Variants in TWSG1 observed in about 807,000 individuals in gnomAD.
TWSG1 encodes the protein twisted gastrulation protein homolog 1.
In TWSG1, 15 loss-of-function variants were observed where a neutral mutation model predicts 23.0. The ratio of observed to expected loss-of-function variants is 0.65; its 90% CI spans 0.44 to 1.00. The LOEUF is 1.00. TWSG1 is among the 50% of genes least tolerant of loss of function. TWSG1 has a pLI of 0.00. For synonymous variants in TWSG1, 86 were observed against 92.8 expected (o/e 0.93, Z 0.42); for missense variants, 242 against 278.7 (o/e 0.87, Z 0.94).
chr18:9,394,750 A>G (rs1302837289), intron 3 of TWSG1, among the ~76,000 whole-genome samples: 2 of 152,142 alleles, frequency 1.3e-5, no homozygotes, highest in African/African-American at 2.4e-5. Context: ...TCCTCTCCCT[A>G]CAGACACACA....
chr18:9,355,841 C>T (rs1391684259), intron 2 of TWSG1, among the ~76,000 whole-genome samples: 1 of 152,140 alleles, frequency 6.6e-6, no homozygotes, highest in Non-Finnish European at 1.5e-5. Flanking sequence ...CTTATTTGCC[C>T]ATCTCCTAAA....
intron 2 of TWSG1, among the ~76,000 whole-genome samples, chr18:9,356,715 A>G (rs1002508318): frequency 6.6e-6 from 1 of 152,182 alleles, no homozygotes; most frequent in Admixed American, 6.5e-5. Flanking sequence ...GAGCATTGAC[A>G]TGACATCAAA....
At chr18:9,366,561 G>C (rs919744176) in intron 3 of TWSG1, among the ~76,000 whole-genome samples, 1 of 152,166 alleles carries the variant, frequency 6.6e-6, no homozygotes, top group Non-Finnish European at 1.5e-5. Flanking sequence ...ACGGGTCTTG[G>C]CATCTTCCTT....
intron 3 of TWSG1, among the ~76,000 whole-genome samples, chr18:9,369,418 G>A (rs1284876176): frequency 4.6e-5 from 7 of 151,836 alleles, no homozygotes; most frequent in South Asian, 2.1e-4. Flanking sequence ...ACAGGTGCCC[G>A]CCACCACGCC....
rs143628756 is a variant in TWSG1 at position 9,336,885 on chromosome 18, C to T, written c.-37-308C>T. 1.2e-3 allele frequency among the ~76,000 whole-genome samples: 184 copies of T among 152,208 alleles called. 1 individual carries two copies. Among genetic ancestry groups the T allele is most frequent in the African/African-American group, 4.3e-3 (177 of 41,524 alleles). On this transcript the variant is annotated intron_variant, in intron 1 of 4. Coordinates refer to ENST00000262120, the MANE Select transcript of TWSG1 (RefSeq NM_020648.6). ...ATTTTTGAATGTTTATATAATCTTTCATTGAGAATGATCTTTAAATGATCA... is the reference window on the plus strand; with the variant it reads ...ATTTTTGAATGTTTATATAATCTTTTATTGAGAATGATCTTTAAATGATCA...
In TWSG1 at chr18:9,372,195, G is replaced by GC. The variant is rs1317204383; in HGVS notation, c.223+12124_223+12125insC. Among the ~76,000 whole-genome samples, 3 of 151,394 alleles carry GC rather than the reference G, an allele frequency of 2.0e-5. No homozygotes were observed. The East Asian group carries it at 5.8e-4, about 29-fold the overall frequency. ...TATATACAGTAGTTCCCCCTTATCG[G>GC]TGGGAGATACATTCCAGGGCCCACA... On this transcript the variant is annotated intron_variant, in intron 3 of 4. Coordinates refer to ENST00000262120, the MANE Select transcript of TWSG1 (RefSeq NM_020648.6).
Position 9,401,983 on chromosome 18 carries a change from T to G in TWSG1, c.*2456T>G, listed in dbSNP as rs1276089384. 4.6e-5 allele frequency: 7 copies of G among 152,186 alleles called. No homozygotes were observed. The highest frequency in any genetic ancestry group is 8.8e-5 in the Non-Finnish European group (6 of 68,022). 9.4% of individuals were successfully genotyped at this position (152,186 alleles called of 1,614,324 possible). ...ACTTGTGCTTGTTAGCAGGTTTTTC[T>G]GTTAGTTTTTCCCCCATAACATTTA... On this transcript the variant is annotated 3_prime_UTR_variant, in exon 5 of 5. Coordinates refer to ENST00000262120, the MANE Select transcript of TWSG1 (RefSeq NM_020648.6).
At chr18:9,392,485 A>C (rs1157231557) in intron 3 of TWSG1, among the ~76,000 whole-genome samples, 4 of 152,204 alleles carry the variant, frequency 2.6e-5, no homozygotes, top group Non-Finnish European at 4.4e-5. Flanking sequence ...CTTTAAGGGA[A>C]TATTTTGGCT....
intron 3 of TWSG1, among the ~76,000 whole-genome samples, chr18:9,394,633 C>A (rs1394955357): frequency 6.6e-6 from 1 of 152,136 alleles, no homozygotes; most frequent in Non-Finnish European, 1.5e-5. Flanking sequence ...CAGATCTGAT[C>A]ATTATTCATG....
chr18:9,371,505 C>T (rs569176921), intron 3 of TWSG1, among the ~76,000 whole-genome samples: 6 of 152,148 alleles, frequency 3.9e-5, no homozygotes, highest in African/African-American at 1.2e-4. Flanking sequence ...CCATGTTGGC[C>T]AAGCTGGTCT....
At chr18:9,340,129 A>C (rs905223580) in intron 2 of TWSG1, among the ~76,000 whole-genome samples, 3 of 151,954 alleles carry the variant, frequency 2.0e-5, no homozygotes, top group Admixed American at 6.6e-5. Flanking sequence ...AGCACTTCAG[A>C]AGGCCGAGGC....
intron 2 of TWSG1, among the ~76,000 whole-genome samples, chr18:9,356,473 G>A (rs956688824): frequency 2.0e-5 from 3 of 151,918 alleles, no homozygotes; most frequent in Non-Finnish European, 4.4e-5. Context: ...TTCTCTAATG[G>A]GAACTATTAA....
intron 2 of TWSG1, among the ~76,000 whole-genome samples, chr18:9,354,116 T>G (rs141623758): frequency 2.7e-3 from 415 of 152,330 alleles, no homozygotes; most frequent in Admixed American, 5.6e-3. Flanking sequence ...AACTTTTATA[T>G]TTCTCATTTT....
At chr18:9,346,028 T>A (rs1203503690) in intron 2 of TWSG1, among the ~76,000 whole-genome samples, 7 of 152,234 alleles carry the variant, frequency 4.6e-5, no homozygotes, top group Non-Finnish European at 8.8e-5. Flanking sequence ...ATTAACTCTT[T>A]GTGTTTTACA....
chr18:9,353,586 A>G (rs1011707657), intron 2 of TWSG1, among the ~76,000 whole-genome samples: 7 of 152,208 alleles, frequency 4.6e-5, no homozygotes, highest in Non-Finnish European at 8.8e-5. Flanking sequence ...CGTGTCTACC[A>G]AACTTTAAGA....
chr18:9,380,912 TCTCA>T (rs554810890), intron 3 of TWSG1, among the ~76,000 whole-genome samples: 381 of 152,358 alleles, frequency 2.5e-3, no homozygotes, highest in Non-Finnish European at 4.5e-3. Flanking sequence ...TCATTATTTT[TCTCA>T]GCAGTGTCCT....
intron 3 of TWSG1, among the ~76,000 whole-genome samples, chr18:9,381,566 AAAG>A (rs1217177917): frequency 3.9e-5 from 6 of 152,190 alleles, no homozygotes; most frequent in Non-Finnish European, 7.3e-5. Flanking sequence ...AAAATATAGA[AAAG>A]AAAGCCATCT....
intron 2 of TWSG1, 131 bp from the exon 3 acceptor site, chr18:9,359,841 A>G: frequency 1.7e-6 from 1 of 596,772 alleles, no homozygotes; most frequent in Non-Finnish European, 2.9e-6. Flanking sequence ...ATAGTTAATA[A>G]TGTTGAATAA....
rs7229708 is a variant in TWSG1 at position 9,390,252 on chromosome 18, T to G, written c.224-6028T>G. On this transcript the variant is annotated intron_variant, in intron 3 of 4. Transcript: ENST00000262120. Reference sequence around the variant, plus strand: ...CTCGGTTCACTGCAACCTCCGCCCCTCCAGGTTCACGCCATTCTCCTGCCT... The same window carrying G: ...CTCGGTTCACTGCAACCTCCGCCCCGCCAGGTTCACGCCATTCTCCTGCCT... Among the ~76,000 whole-genome samples the G allele has an allele frequency of 2.0e-4, 30 of 152,112 alleles. No homozygotes were observed. The East Asian group carries it at 2.3e-3, about 12-fold the overall frequency.
Sources: gnomAD v4.1 joint callset for allele counts (sites outside exome capture counted in the v4.1 genomes callset) on GRCh38, gnomAD v4.1.1 for gene constraint, MANE v1.5 for transcripts, NCBI Gene and HGNC (gene_info 2026-07-23, HGNC 2026-07-21) for gene names.